Variants in USH2A observed in about 807,000 individuals in gnomAD.
USH2A encodes Usher syndrome 2A (autosomal recessive, mild).
Under a neutral mutation model 538.9 loss-of-function variants are expected in USH2A, and 443 were observed. That is an observed-to-expected ratio of 0.82 (90% CI 0.76 to 0.89). The LOEUF is 0.89. Ranked by LOEUF, USH2A falls within the 40% of genes least tolerant of loss-of-function variation. The pLI, the probability that USH2A is intolerant of heterozygous loss-of-function variation, is 0.00. For missense variants in USH2A, 6,633 were observed against 6,324.8 expected, an observed-to-expected ratio of 1.05 and a Z score of -1.65; for synonymous variants, 2,413 against 2,273.5, an observed-to-expected ratio of 1.06 and a Z score of -1.75.
intron 21 of USH2A, among the ~76,000 whole-genome samples, chr1:216,169,710 A>G (rs897174603): frequency 1.5e-4 from 23 of 152,144 alleles, no homozygotes; most frequent in Non-Finnish European, 7.3e-5. Context: ...AAAACACAGC[A>G]GAGTTTTGTC....
In USH2A at chr1:216,365,000, A is replaced by G; in HGVS notation, c.737T>C (p.Ile246Thr). ...PFNARTLSGSITDFASGTVQI... is the reference protein window; with the variant it reads ...PFNARTLSGSTTDFASGTVQI... ...CACAGTACCAGATGCAAAATCTGTA[A>G]TTGAACCACTTAGAGTTCTTGCATT... is the stretch of plus-strand genomic sequence containing the variant. Residue 246 changes from isoleucine to threonine, a missense_variant, in exon 4 of 72, where the codon ATT (isoleucine) becomes ACT (threonine). Ile to Thr is a moderately conservative substitution (Grantham distance 89). Transcript: ENST00000307340. 1 of 1,613,788 alleles carries G rather than the reference A, an allele frequency of 6.2e-7. No individual in the cohort carries two copies. Among genetic ancestry groups the G allele is most frequent in the Non-Finnish European group, 8.5e-7 (1 of 1,179,784 alleles).
chr1:216,119,630 T>A (rs967207678), intron 21 of USH2A, among the ~76,000 whole-genome samples: 12 of 152,152 alleles, frequency 7.9e-5, no homozygotes, highest in Non-Finnish European at 1.5e-4. Flanking sequence ...TATATTTTTT[T>A]ATTTTTTTCC....
At chr1:216,326,912 A>G (rs527798384) in intron 5 of USH2A, among the ~76,000 whole-genome samples, 2 of 152,286 alleles carry the variant, frequency 1.3e-5, no homozygotes, top group South Asian at 4.1e-4. Context: ...TTATACCATG[A>G]TATCATAAGC....
At chr1:216,248,144 C>T (rs2036089088) in intron 12 of USH2A, among the ~76,000 whole-genome samples, 1 of 152,062 alleles carries the variant, frequency 6.6e-6, no homozygotes, top group African/African-American at 2.4e-5. Flanking sequence ...TCTTGTGTGA[C>T]TCAGAACATA....
chr1:215,626,617 C>T (rs189140460), intron 71 of USH2A, among the ~76,000 whole-genome samples: 3 of 152,096 alleles, frequency 2.0e-5, no homozygotes, highest in Non-Finnish European at 1.5e-5. Context: ...TTATTGAGTC[C>T]CTTTGCACAT....
chr1:215,952,720 T>C (rs141444794), intron 37 of USH2A, among the ~76,000 whole-genome samples: 1,863 of 152,364 alleles, frequency 0.012, 34 homozygotes, highest in East Asian at 0.064. Context: ...CACTCTGTTC[T>C]GGCTTGCAGA....
In USH2A at chr1:215,674,192, A is replaced by C. The variant is rs1408196493; in HGVS notation, c.13719T>G (p.Phe4573Leu). 3 of 1,614,124 alleles carry C rather than the reference A, an allele frequency of 1.9e-6. No individual in the cohort carries two copies. Among genetic ancestry groups the C allele is most frequent in the South Asian group, 1.1e-5 (1 of 91,082 alleles). The change falls in exon 63 of 72, where the codon TTT becomes TTG. Residue 4573 changes from phenylalanine (F) to leucine (L), a missense_variant. Transcript: ENST00000307340. ...INYTLFIREL[F>L]ERETKIIHIN... Reference sequence around the variant, plus strand: ...TGTGTATGATTTTAGTTTCTCTTTCAAATAGTTCACGGATGAAGAGGGTAT... The same window carrying C: ...TGTGTATGATTTTAGTTTCTCTTTCCAATAGTTCACGGATGAAGAGGGTAT...
intron 49 of USH2A, 111 bp downstream of exon 49, chr1:215,813,625 G>C (rs1262851536): frequency 8.3e-6 from 11 of 1,324,934 alleles, no homozygotes; most frequent in Middle Eastern, 1.8e-4. Flanking sequence ...ATGTGTTTAT[G>C]GTTCAATTTT....
intron 9 of USH2A, among the ~76,000 whole-genome samples, chr1:216,313,056 G>C (rs1437655616): frequency 6.6e-6 from 1 of 152,120 alleles, no homozygotes; most frequent in Non-Finnish European, 1.5e-5. Flanking sequence ...CTGGGTGTGA[G>C]GGCAGCACAT....
chr1:216,125,318 CCTT>C (rs1054978490), intron 21 of USH2A, among the ~76,000 whole-genome samples: 12 of 152,138 alleles, frequency 7.9e-5, no homozygotes, highest in African/African-American at 2.6e-4. Context: ...ATATGGGACC[CCTT>C]CTTCTCCTAT....
intron 9 of USH2A, among the ~76,000 whole-genome samples, chr1:216,302,764 A>G (rs2037238561): frequency 6.6e-6 from 1 of 152,232 alleles, no homozygotes; most frequent in Non-Finnish European, 1.5e-5. Context: ...GTAAAGTGAA[A>G]TGGAAGATTG....
At chr1:215,805,746 G>GAT (rs1662481820) in intron 49 of USH2A, among the ~76,000 whole-genome samples, 1 of 151,582 alleles carries the variant, frequency 6.6e-6, no homozygotes, top group Non-Finnish European at 1.5e-5. Flanking sequence ...TAAGACAGTA[G>GAT]ATTGTCCCTT....
intron 43 of USH2A, among the ~76,000 whole-genome samples, chr1:215,875,897 A>ATTG (rs1664751957): frequency 7.1e-6 from 1 of 140,904 alleles, no homozygotes; most frequent in Non-Finnish European, 1.5e-5. Flanking sequence ...TATATATAAT[A>ATTG]ATCAATATAT....
At chr1:215,823,733 ATTCT>A in intron 47 of USH2A, among the ~76,000 whole-genome samples, 1 of 150,960 alleles carries the variant, frequency 6.6e-6, no homozygotes, top group South Asian at 2.1e-4. Flanking sequence ...ACTTGTTTTC[ATTCT>A]TTTATCCCCA....
At chr1:216,380,734 A>T (rs981488861) in intron 3 of USH2A, among the ~76,000 whole-genome samples, 3 of 152,130 alleles carry the variant, frequency 2.0e-5, no homozygotes, top group Non-Finnish European at 2.9e-5. Context: ...GGAAAAGATA[A>T]TTTTTTCAGG....
At chr1:215,735,767 T>C (rs982522676) in intron 60 of USH2A, among the ~76,000 whole-genome samples, 17 of 152,204 alleles carry the variant, frequency 1.1e-4, no homozygotes, top group African/African-American at 4.1e-4. Flanking sequence ...CATACTGTTA[T>C]GCAAGCTGCT....
intron 37 of USH2A, among the ~76,000 whole-genome samples, chr1:215,940,225 A>C (rs181288276): frequency 6.6e-6 from 1 of 152,210 alleles, no homozygotes; most frequent in Non-Finnish European, 1.5e-5. Context: ...TGTACAAAGA[A>C]ATACTATATT....
At chr1:216,100,175 G>A (rs1299080415) in intron 21 of USH2A, among the ~76,000 whole-genome samples, 1 of 152,150 alleles carries the variant, frequency 6.6e-6, no homozygotes, top group Non-Finnish European at 1.5e-5. Context: ...AGCTGGTAAT[G>A]ACATAATCTT....
intron 67 of USH2A, among the ~76,000 whole-genome samples, chr1:215,647,247 T>C (rs1458360760): frequency 6.6e-6 from 1 of 152,178 alleles, no homozygotes. Context: ...GTTTGTTCAT[T>C]TTCTTTCTTC....
Sources: allele counts gnomAD v4.1 joint callset (sites outside exome capture counted in the v4.1 genomes callset), GRCh38; gene constraint gnomAD v4.1.1; transcripts MANE v1.5; gene names NCBI Gene and HGNC (gene_info 2026-07-23, HGNC 2026-07-21).